COL4A3: variants seen among roughly 807,000 people sequenced by gnomAD.
The protein encoded by COL4A3 is collagen type IV alpha 3 chain.
COL4A3 carries 135 observed loss-of-function variants against 217.4 expected under a neutral mutation model. That is an observed-to-expected ratio of 0.62 (90% CI 0.54 to 0.72). The LOEUF (loss-of-function observed/expected upper bound fraction) is 0.72, where lower values mean the gene tolerates loss of function less well. Among genes scored for constraint, COL4A3 ranks in the 30% least tolerant of loss-of-function variants. The probability of loss-of-function intolerance (pLI) is 0.00; values close to 1 mark genes in which losing one functional copy is unlikely to be tolerated. For missense variants in COL4A3, 1,868 were observed against 2,119.9 expected (o/e 0.88, Z 2.33); for synonymous variants, 690 against 736.3 (o/e 0.94, Z 1.02).
chr2:227,306,790 G>A (rs923508237), intron 47 of COL4A3, among the ~76,000 whole-genome samples: 1 of 152,156 alleles, frequency 6.6e-6, no homozygotes, highest in Non-Finnish European at 1.5e-5. Flanking sequence ...TTCCTGTGAT[G>A]ATGTAGGCCC....
chr2:227,236,064 G>A (rs958497379), intron 1 of COL4A3, among the ~76,000 whole-genome samples: 2 of 152,092 alleles, frequency 1.3e-5, no homozygotes, highest in Non-Finnish European at 2.9e-5. Flanking sequence ...GTGAGCCCCC[G>A]TGCCCAGCCT....
intron 17 of COL4A3, chr2:227,256,641 G>C: frequency 1.5e-6 from 1 of 683,280 alleles, no homozygotes; most frequent in Non-Finnish European, 2.7e-6. Context: ...GGACCAGTGA[G>C]AGTGCAGCTT....
intron 1 of COL4A3, among the ~76,000 whole-genome samples, chr2:227,181,635 C>T (rs2125673718): frequency 6.6e-6 from 1 of 152,290 alleles, no homozygotes; most frequent in Non-Finnish European, 1.5e-5. Context: ...AAAGTGAGAT[C>T]ATATGGCATA....
chr2:227,297,292 C>G (rs2073069915), intron 41 of COL4A3, among the ~76,000 whole-genome samples: 1 of 152,210 alleles, frequency 6.6e-6, no homozygotes, highest in African/African-American at 2.4e-5. Flanking sequence ...CTGATAATAA[C>G]TGGCTTATAT....
Position 227,313,067 on chromosome 2 carries a change from T to G in COL4A3, c.*1197T>G, listed in dbSNP as rs929484477. On this transcript the variant is annotated 3_prime_UTR_variant, in exon 52 of 52. Coordinates refer to ENST00000396578, the MANE Select transcript of COL4A3 (RefSeq NM_000091.5). ...GTCTTAAAACCTGCTTTTCAATGTG[T>G]TGATACATTCCCAAGGTTACTTAAT... 1 of 152,634 alleles carries G rather than the reference T, an allele frequency of 6.6e-6. No homozygotes were observed. The highest frequency in any genetic ancestry group is 2.4e-5 in the African/African-American group (1 of 41,466). 9.5% of individuals were successfully genotyped at this position (152,634 alleles called of 1,614,324 possible).
intron 1 of COL4A3, among the ~76,000 whole-genome samples, chr2:227,166,884 C>A (rs2065297808): frequency 6.6e-6 from 1 of 152,136 alleles, no homozygotes; most frequent in African/African-American, 2.4e-5. Flanking sequence ...CACTCTGAGC[C>A]TCAGTTTTCT....
At position 227,254,113 on chromosome 2, in the gene COL4A3, A is replaced by G. The variant is rs756835803; in HGVS notation, c.767A>G (p.Asp256Gly). The change falls in exon 14 of 52, where the codon GAC becomes GGC. Residue 256 changes from aspartate to glycine, a missense_variant and splice_region_variant. This residue lies in a region of COL4A3 where 365 missense variants were observed against 333.8 expected (regional missense o/e 1.09). Transcript: ENST00000396578. ...VTLTGPDNRTDLKGEKGDKGA... is the reference protein window; with the variant it reads ...VTLTGPDNRTGLKGEKGDKGA... ...AATGTTGAACTGTTTCTTTGGCAGG[A>G]CCTCAAGGGGGAAAAGGGAGACAAG... is the stretch of plus-strand genomic sequence containing the variant. The G allele has an allele frequency of 1.2e-6, 2 of 1,613,698 alleles. No individual in the cohort carries two copies. The highest frequency in any genetic ancestry group is 2.2e-5 in the South Asian group (2 of 91,066).
chr2:227,306,289 T>C (rs577467418), intron 47 of COL4A3, among the ~76,000 whole-genome samples: 84 of 152,042 alleles, frequency 5.5e-4, no homozygotes, highest in African/African-American at 2.0e-3. Flanking sequence ...GATCTAAGAG[T>C]CAAACTGCAC....
rs773370259 is a variant in COL4A3 at position 227,312,899 on chromosome 2, T to C, written c.*1029T>C. On this transcript the variant is annotated 3_prime_UTR_variant, in exon 52 of 52. Transcript: ENST00000396578. ...ACTCTAGGTTTTACAGATTTATTCC[T>C]TTGTTACTTCTCTAATTCTTCCTTT... The C allele has an allele frequency of 1.3e-5, 2 of 150,642 alleles. No homozygotes were observed. Among genetic ancestry groups the C allele is most frequent in the Non-Finnish European group, 3.0e-5 (2 of 67,678 alleles). 9.3% of individuals were successfully genotyped at this position (150,642 alleles called of 1,614,324 possible). A position where few individuals can be genotyped will look rare whatever the true frequency, so the allele number is the denominator to read the frequency against.
chr2:227,193,488 C>T (rs559254056), intron 1 of COL4A3, among the ~76,000 whole-genome samples: 17 of 152,104 alleles, frequency 1.1e-4, no homozygotes, highest in African/African-American at 3.4e-4. Flanking sequence ...CCGAGGTGGG[C>T]GGATCACAAG....
In COL4A3 at chr2:227,244,954, A is replaced by C. The variant is rs201222896; in HGVS notation, c.283A>C (p.Ile95Leu). Residue 95 changes from isoleucine to leucine, a missense_variant, in exon 5 of 52, where the codon ATA (isoleucine) becomes CTA (leucine). Around this residue, in one of 2 missense-constraint regions of COL4A3, gnomAD observed 365 missense variants for 333.8 expected, o/e 1.09. Coordinates refer to ENST00000396578, the MANE Select transcript of COL4A3 (RefSeq NM_000091.5). Reference protein sequence around the residue: ...GLTGSKGVRGISGLPGFSGSP... With the variant: ...GLTGSKGVRGLSGLPGFSGSP... ...CTCCTTTTTCCTATGTCTTCAGGGA[A>C]TAAGTGGATTGCCAGGATTTTCTGG... 8.1e-6 allele frequency: 13 copies of C among 1,613,120 alleles called. No homozygotes were observed. The highest frequency in any genetic ancestry group is 1.1e-5 in the Non-Finnish European group (13 of 1,179,508).
chr2:227,240,006 G>C, intron 2 of COL4A3, 137 bp from the exon 3 acceptor site: 1 of 854,758 alleles, frequency 1.2e-6, no homozygotes, highest in South Asian at 1.4e-5. Flanking sequence ...TGCTAATTAT[G>C]ATTTTTTTAA....
intron 1 of COL4A3, among the ~76,000 whole-genome samples, chr2:227,193,555 T>A (rs2066323813): frequency 6.6e-6 from 1 of 151,892 alleles, no homozygotes; most frequent in Non-Finnish European, 1.5e-5. Flanking sequence ...CTACTAAAAA[T>A]ACAAAAATTA....
At chr2:227,308,772 T>G in intron 48 of COL4A3, 127 bp from the exon 49 acceptor site, 1 of 972,018 alleles carries the variant, frequency 1.0e-6, no homozygotes, top group Non-Finnish European at 1.6e-6. Flanking sequence ...ATTTTGCAGA[T>G]AACTCTTTTG....
chr2:227,200,299 T>C (rs6726589), intron 1 of COL4A3, among the ~76,000 whole-genome samples: 21,461 of 151,650 alleles, frequency 0.14, 1,705 homozygotes, highest in Non-Finnish European at 0.16. Context: ...ACATCCACTG[T>C]ATTCACAAAG....
intron 20 of COL4A3, among the ~76,000 whole-genome samples, chr2:227,262,908 G>A (rs1251525564): frequency 2.6e-5 from 4 of 152,000 alleles, no homozygotes; most frequent in Non-Finnish European, 5.9e-5. Context: ...ACAATGTATT[G>A]TATATTTCAA....
intron 1 of COL4A3, among the ~76,000 whole-genome samples, chr2:227,206,518 C>G (rs2067107464): frequency 6.6e-6 from 1 of 152,192 alleles, no homozygotes. Flanking sequence ...AGAGAGCCAG[C>G]TGAGCAGCAA....
At chr2:227,310,602 G>A (rs958318671) in intron 50 of COL4A3, among the ~76,000 whole-genome samples, 174 bp from the exon 51 acceptor site, 4 of 152,178 alleles carry the variant, frequency 2.6e-5, no homozygotes, top group African/African-American at 9.7e-5. Flanking sequence ...TTACAGGTGT[G>A]AGTCACTGCG....
In COL4A3 at chr2:227,250,604, A is replaced by G. The variant is rs1008070387; in HGVS notation, c.547-536A>G. Among the ~76,000 whole-genome samples, 2 of 152,188 alleles carry G rather than the reference A, an allele frequency of 1.3e-5. No homozygotes were observed. Among genetic ancestry groups the G allele is most frequent in the Non-Finnish European group, 2.9e-5 (2 of 68,034 alleles). ...TAAATGAGTAACTCTATGGTGTGTGAGTAATAAATGCTAAAAGTAAAAATA... is the reference window on the plus strand; with the variant it reads ...TAAATGAGTAACTCTATGGTGTGTGGGTAATAAATGCTAAAAGTAAAAATA... On this transcript the variant is annotated intron_variant, in intron 9 of 51. Transcript: ENST00000396578. This position sits in a 1 kb window ranked among gnomAD's most constrained non-coding sequence, Gnocchi z 4.1.
Sources: gnomAD v4.1 joint callset for allele counts (sites outside exome capture counted in the v4.1 genomes callset) on GRCh38, gnomAD v4.1.1 for gene constraint, gnomAD v4.1.1 regional missense constraint, Gnocchi (gnomAD v3.1) non-coding constraint, MANE v1.5 for transcripts, NCBI Gene and HGNC (gene_info 2026-07-23, HGNC 2026-07-21) for gene names.